The following GALNT12 variants were observed in gnomAD, a reference collection of about 807,000 sequenced individuals.
GALNT12 encodes the protein UDP-GalNAc:polypeptide N-acetylgalactosaminyltransferase 12.
A neutral mutation model predicts 55.5 loss-of-function variants in GALNT12; 45 were observed. The ratio of observed to expected loss-of-function variants is 0.81; its 90% confidence interval spans 0.64 to 1.04. GALNT12 has a LOEUF of 1.04. GALNT12 is among the 50% of genes least tolerant of loss of function. The pLI, the probability that GALNT12 is intolerant of heterozygous loss-of-function variation, is 0.00. For missense variants in GALNT12, 709 were observed against 754.8 expected (o/e 0.94, Z 0.71); for synonymous variants, 304 against 312.2 (o/e 0.97, Z 0.28).
At chr9:98,813,983 C>T (rs1835555438) in intron 1 of GALNT12, among the ~76,000 whole-genome samples, 1 of 152,222 alleles carries the variant, frequency 6.6e-6, no homozygotes, top group Non-Finnish European at 1.5e-5. Context: ...AAGCCCAATG[C>T]AAACTGCCTT....
chr9:98,837,270 C>A (rs147076127), intron 6 of GALNT12, 122 bp downstream of exon 6: 5 of 913,214 alleles, frequency 5.5e-6, no homozygotes, highest in African/African-American at 1.6e-5. Flanking sequence ...TGCTCAGATA[C>A]GAGTAAGGGG....
intron 1 of GALNT12, among the ~76,000 whole-genome samples, chr9:98,818,496 A>T (rs1321912940): frequency 2.0e-5 from 3 of 151,844 alleles, no homozygotes; most frequent in Admixed American, 2.0e-4. Context: ...AAGTGCTGGG[A>T]TTACAGGTGT....
At position 98,840,683 on chromosome 9, in the gene GALNT12, A is replaced by G. The variant is rs146449691; in HGVS notation, c.1344+550A>G. 3.9e-5 allele frequency among the ~76,000 whole-genome samples: 6 copies of G among 152,340 alleles called. No individual in the cohort carries two copies. The East Asian group carries it at 9.6e-4, about 24-fold the overall frequency. On this transcript the variant is annotated intron_variant, in intron 7 of 9. Coordinates refer to ENST00000375011, the MANE Select transcript of GALNT12 (RefSeq NM_024642.5). ...GTTCCATTCTAGAAGTCTTTGATAC[A>G]TATAAAGCAGGATATTCATGTTACA...
chr9:98,846,896 A>G (rs544824510), intron 9 of GALNT12, among the ~76,000 whole-genome samples: 1 of 150,190 alleles, frequency 6.7e-6, no homozygotes, highest in East Asian at 2.0e-4. Flanking sequence ...TAGCAGACTT[A>G]CTTTACTGAG....
intron 1 of GALNT12, among the ~76,000 whole-genome samples, chr9:98,820,615 G>A (rs1393218956): frequency 6.6e-6 from 1 of 152,230 alleles, no homozygotes; most frequent in Non-Finnish European, 1.5e-5. Flanking sequence ...TGTGTACCCA[G>A]TAATGGGATT....
intron 1 of GALNT12, among the ~76,000 whole-genome samples, chr9:98,817,549 C>T (rs781310422): frequency 2.0e-5 from 3 of 152,028 alleles, no homozygotes; most frequent in Admixed American, 6.5e-5. Context: ...CTGCAACCTC[C>T]GCCTCCCAGG....
chr9:98,822,227 C>A (rs1031066145), intron 1 of GALNT12, among the ~76,000 whole-genome samples: 15 of 152,226 alleles, frequency 9.9e-5, no homozygotes, highest in Non-Finnish European at 1.0e-4. Context: ...CTTGGCCTAG[C>A]CTTGGCCAGC....
intron 6 of GALNT12, among the ~76,000 whole-genome samples, chr9:98,838,421 C>T (rs917758298): frequency 4.6e-5 from 7 of 152,216 alleles, no homozygotes; most frequent in African/African-American, 1.7e-4. Flanking sequence ...TGGCTTGCTC[C>T]CCTGGGTCTC....
chr9:98,845,657 ATT>A (rs1188432659), intron 8 of GALNT12, among the ~76,000 whole-genome samples: 1 of 152,036 alleles, frequency 6.6e-6, no homozygotes, highest in Non-Finnish European at 1.5e-5. Context: ...CGATGGGTCC[ATT>A]TCCCTTCCTC....
intron 1 of GALNT12, among the ~76,000 whole-genome samples, chr9:98,809,142 A>T (rs559797622): frequency 9.6e-4 from 146 of 152,324 alleles, no homozygotes; most frequent in African/African-American, 3.4e-3. Context: ...ACTTGGCACC[A>T]TGCTGATCTC....
At position 98,849,898 on chromosome 9, in the gene GALNT12, C is replaced by G; in HGVS notation, c.*806C>G. On this transcript the variant is annotated 3_prime_UTR_variant, in exon 10 of 10. Transcript: ENST00000375011. ...AAATGTAATGTTCTATATGAAATTC[C>G]TTTTTCAAGTTTGTTCATTAATAAC... 3.7e-6 allele frequency: 1 copy of G among 266,744 alleles called. No individual in the cohort carries two copies. Among genetic ancestry groups the G allele is most frequent in the Non-Finnish European group, 7.0e-6 (1 of 142,294 alleles). 16.5% of individuals were successfully genotyped at this position (266,744 alleles called of 1,614,324 possible).
chr9:98,836,874 T>C (rs928616869), intron 5 of GALNT12, 98 bp from the exon 6 acceptor site: 48 of 1,287,148 alleles, frequency 3.7e-5, no homozygotes, highest in Non-Finnish European at 1.9e-5. Context: ...GCAGTGTCCA[T>C]CATGCCTTGC....
chr9:98,819,352 A>G (rs1384076947), intron 1 of GALNT12, among the ~76,000 whole-genome samples: 4 of 152,180 alleles, frequency 2.6e-5, no homozygotes, highest in Non-Finnish European at 4.4e-5. Context: ...TTGAAAGCCT[A>G]TGGTGTCTGG....
intron 3 of GALNT12, among the ~76,000 whole-genome samples, chr9:98,827,328 G>A (rs1835881198): frequency 6.6e-6 from 1 of 152,044 alleles, no homozygotes; most frequent in African/African-American, 2.4e-5. Context: ...AGCCTCCGGA[G>A]TAGCTGGGAT....
intron 2 of GALNT12, among the ~76,000 whole-genome samples, chr9:98,823,939 G>A (rs1164368005): frequency 6.6e-6 from 1 of 152,226 alleles, no homozygotes; most frequent in African/African-American, 2.4e-5. Context: ...AGTGCCAACG[G>A]AGTAGCATCA....
At chr9:98,819,927 A>G (rs1413425368) in intron 1 of GALNT12, among the ~76,000 whole-genome samples, 1 of 152,202 alleles carries the variant, frequency 6.6e-6, no homozygotes, top group Non-Finnish European at 1.5e-5. Context: ...TTAACGTGGG[A>G]GCAATAAATG....
chr9:98,816,620 CTT>C (rs201551711), intron 1 of GALNT12, among the ~76,000 whole-genome samples: 2,962 of 148,448 alleles, frequency 0.02, 49 homozygotes, highest in Non-Finnish European at 0.032. Context: ...CACAGAAACA[CTT>C]TTGTTTTTCA....
chr9:98,831,947 G>C lies in GALNT12; in HGVS notation c.907G>C (p.Asp303His). Residue 303 changes from aspartate (D) to histidine (H), a missense_variant, in exon 4 of 10, where the codon GAT becomes CAT. Transcript: ENST00000375011. ...GAGGATACGGATGCAATCCCCCGTC[G>C]ATGTCATCAGGTCAGGAGCTGACTT... ...RERIRMQSPV[D>H]VIRSPTMAGG... is the part of the protein sequence containing the mutation. 1 of 1,613,762 alleles carries C rather than the reference G, an allele frequency of 6.2e-7. No individual in the cohort carries two copies. Among genetic ancestry groups the C allele is most frequent in the Non-Finnish European group, 8.5e-7 (1 of 1,179,856 alleles).
Position 98,826,839 on chromosome 9 carries a change from G to T in GALNT12, c.629G>T (p.Arg210Leu). 1 of 1,610,374 alleles carries T rather than the reference G, an allele frequency of 6.2e-7. No individual in the cohort carries two copies. The highest frequency in any genetic ancestry group is 8.5e-7 in the Non-Finnish European group (1 of 1,178,840). ...GCCAACAAGAGAGAGGGCCTGGTGC[G>T]AGCCCGGCTGCTGGGGGCGTCTGCG... ...IRANKREGLV[R>L]ARLLGASAAR... Residue 210 changes from arginine (R) to leucine (L), a missense_variant, in exon 3 of 10, where the codon CGA becomes CTA. Coordinates refer to ENST00000375011, the MANE Select transcript of GALNT12 (RefSeq NM_024642.5).
Sources: allele counts gnomAD v4.1 joint callset (sites outside exome capture counted in the v4.1 genomes callset), GRCh38; gene constraint gnomAD v4.1.1; transcripts MANE v1.5; gene names NCBI Gene and HGNC (gene_info 2026-07-23, HGNC 2026-07-21).